The following CACNG2 variants were observed in gnomAD, a reference collection of about 807,000 sequenced individuals.
CACNG2 encodes calcium voltage-gated channel auxiliary subunit gamma 2.
A neutral mutation model predicts 25.9 loss-of-function variants in CACNG2; 3 were observed. That is an observed-to-expected ratio of 0.12 (90% CI 0.05 to 0.30). The LOEUF (loss-of-function observed/expected upper bound fraction) is 0.30. CACNG2 is among the 10% of genes least tolerant of loss of function. The pLI, the probability that CACNG2 is intolerant of heterozygous loss-of-function variation, is 1.00. For synonymous variants in CACNG2, 167 were observed against 173.3 expected, an observed-to-expected ratio of 0.96 and a Z score of 0.29; for missense variants, 341 against 432.5, an observed-to-expected ratio of 0.79 and a Z score of 1.88.
At chr22:36,598,444 C>A (rs1256701025) in intron 1 of CACNG2, among the ~76,000 whole-genome samples, 1 of 150,832 alleles carries the variant, frequency 6.6e-6, no homozygotes. Context: ...ATGGTGAAAC[C>A]CTGTCTCTAC....
intron 2 of CACNG2, among the ~76,000 whole-genome samples, chr22:36,583,266 C>G (rs930160458): frequency 6.6e-6 from 1 of 152,032 alleles, no homozygotes; most frequent in Non-Finnish European, 1.5e-5. Context: ...AATCCCGTCT[C>G]TACTAAAAAT....
intron 2 of CACNG2, among the ~76,000 whole-genome samples, chr22:36,578,966 A>G (rs190588885): frequency 1.9e-4 from 29 of 152,296 alleles, no homozygotes; most frequent in South Asian, 8.3e-4. Context: ...GACCGGCAAT[A>G]GAGTGGTCAC....
chr22:36,635,628 C>G (rs1010445108), intron 1 of CACNG2, among the ~76,000 whole-genome samples: 6 of 152,166 alleles, frequency 3.9e-5, no homozygotes, highest in African/African-American at 1.4e-4. Context: ...GTGACTCCCA[C>G]ATTTGTAACT....
chr22:36,646,982 C>T (rs1323633720), intron 1 of CACNG2, among the ~76,000 whole-genome samples: 1 of 152,088 alleles, frequency 6.6e-6, no homozygotes, highest in Non-Finnish European at 1.5e-5. Flanking sequence ...TCAAATCATA[C>T]AGTCACTGCC....
intron 1 of CACNG2, among the ~76,000 whole-genome samples, chr22:36,660,307 G>T (rs979160648): frequency 1.4e-4 from 21 of 152,250 alleles, no homozygotes; most frequent in African/African-American, 5.1e-4. Context: ...CTTGCCGGGG[G>T]GCAGTTGCTG....
chr22:36,608,321 A>G (rs1325108037), intron 1 of CACNG2, among the ~76,000 whole-genome samples: 1 of 152,178 alleles, frequency 6.6e-6, no homozygotes, highest in Non-Finnish European at 1.5e-5. Context: ...AAGATCACTC[A>G]GCTGGCAATT....
At chr22:36,668,053 G>T in intron 1 of CACNG2, among the ~76,000 whole-genome samples, 1 of 152,210 alleles carries the variant, frequency 6.6e-6, no homozygotes, top group Non-Finnish European at 1.5e-5. Context: ...CTCTGAGGCA[G>T]GTGATACTAT....
chr22:36,590,526 G>A (rs1304518254), intron 1 of CACNG2, among the ~76,000 whole-genome samples: 4 of 151,956 alleles, frequency 2.6e-5, no homozygotes, highest in Admixed American at 6.6e-5. Flanking sequence ...CCATCAGGGC[G>A]TCCTGTCTGT....
At chr22:36,624,087 AGG>A (rs1936147811) in intron 1 of CACNG2, among the ~76,000 whole-genome samples, 1 of 152,140 alleles carries the variant, frequency 6.6e-6, no homozygotes, top group Non-Finnish European at 1.5e-5. Context: ...ATCCCAAGAG[AGG>A]GGACCTTGTT....
chr22:36,606,682 G>A lies in CACNG2; in HGVS notation c.212-19134C>T, dbSNP rs1935837936. ...GTGTTTGAGAGAAGAGCAAGTGAGG[G>A]CCAACCAGAGAGAGGACAGGATGCT... On this transcript the variant is annotated intron_variant, in intron 1 of 3. Coordinates refer to ENST00000300105, the MANE Select transcript of CACNG2 (RefSeq NM_006078.5). The surrounding 1 kb of genome is among the most constrained non-coding windows in gnomAD (Gnocchi z 5.7). Among the ~76,000 whole-genome samples, 5 of 152,224 alleles carry A rather than the reference G, an allele frequency of 3.3e-5. No homozygotes were observed. The South Asian group carries it at 8.3e-4, about 25-fold the overall frequency.
At position 36,655,713 on chromosome 22, in the gene CACNG2, CTCTT is replaced by C. The variant is rs138341176; in HGVS notation, c.211+46649_211+46652del. 2.3e-3 allele frequency among the ~76,000 whole-genome samples: 311 copies of C among 133,226 alleles called. 1 individual carries two copies. The highest frequency in any genetic ancestry group is 0.011 in the African/African-American group (268 of 24,726). The allele number at this position is 133,226 out of a possible 152,430, so 87.4% of individuals were successfully genotyped here. ...TTCCTTCCTTTCTTTCTTTCTCTTT[CTCTT>C]TCTTTCTTTTCTTTCTTTCTCTTCC... On this transcript the variant is annotated intron_variant, in intron 1 of 3. Coordinates refer to ENST00000300105, the MANE Select transcript of CACNG2 (RefSeq NM_006078.5).
At chr22:36,677,913 T>A (rs1277194577) in intron 1 of CACNG2, among the ~76,000 whole-genome samples, 2 of 152,252 alleles carry the variant, frequency 1.3e-5, no homozygotes, top group Non-Finnish European at 2.9e-5. Flanking sequence ...TTTTTAAGTA[T>A]AATTTTGAGT....
At position 36,627,734 on chromosome 22, in the gene CACNG2, C is replaced by T. The variant is rs367656397; in HGVS notation, c.212-40186G>A. 4.3e-4 allele frequency among the ~76,000 whole-genome samples: 66 copies of T among 151,960 alleles called. 1 individual carries two copies. The highest frequency in any genetic ancestry group is 1.0e-3 in the South Asian group (5 of 4,810). On this transcript the variant is annotated intron_variant, in intron 1 of 3. Coordinates refer to ENST00000300105, the MANE Select transcript of CACNG2 (RefSeq NM_006078.5). ...AACTCCTGGGCTTAAGCCATCCTCCCGCCTCAGCCTCCCAAGTAGCTGGGA... is the reference window on the plus strand; with the variant it reads ...AACTCCTGGGCTTAAGCCATCCTCCTGCCTCAGCCTCCCAAGTAGCTGGGA...
intron 1 of CACNG2, among the ~76,000 whole-genome samples, chr22:36,645,889 G>C (rs569051988): frequency 6.6e-6 from 1 of 152,146 alleles, no homozygotes; most frequent in Non-Finnish European, 1.5e-5. Context: ...AAAGTCAAAT[G>C]CATATTTTAA....
At chr22:36,687,055 C>T (rs914840089) in intron 1 of CACNG2, among the ~76,000 whole-genome samples, 2 of 152,174 alleles carry the variant, frequency 1.3e-5, no homozygotes, top group East Asian at 3.8e-4. Context: ...GTGACAGGTG[C>T]CCTTTGCCCT....
intron 2 of CACNG2, among the ~76,000 whole-genome samples, chr22:36,568,509 A>T (rs1301502309): frequency 6.6e-6 from 1 of 151,730 alleles, no homozygotes; most frequent in African/African-American, 2.4e-5. Context: ...GGTTCAAGCG[A>T]TTCTCCTGCC....
chr22:36,582,756 G>A (rs954618399), intron 2 of CACNG2, among the ~76,000 whole-genome samples: 15 of 150,900 alleles, frequency 9.9e-5, no homozygotes, highest in East Asian at 2.0e-4. Flanking sequence ...CCCATCCCCC[G>A]TCCCTGCTTG....
chr22:36,691,861 C>T lies in CACNG2; in HGVS notation c.211+10505G>A, dbSNP rs145848696. 7.2e-4 allele frequency among the ~76,000 whole-genome samples: 110 copies of T among 152,222 alleles called. 1 individual carries two copies. Among genetic ancestry groups the T allele is most frequent in the African/African-American group, 2.6e-3 (106 of 41,528 alleles). ...TATTAGTATTGAAGTGATGGCAGAA[C>T]CGTTGTTTTTCAGGATTACCTACTC... is the stretch of plus-strand genomic sequence containing the variant. On this transcript the variant is annotated intron_variant, in intron 1 of 3. Coordinates refer to ENST00000300105, the MANE Select transcript of CACNG2 (RefSeq NM_006078.5).
At chr22:36,667,739 C>T (rs1843034083) in intron 1 of CACNG2, among the ~76,000 whole-genome samples, 1 of 152,130 alleles carries the variant, frequency 6.6e-6, no homozygotes, top group Non-Finnish European at 1.5e-5. Context: ...AACAGAGAGG[C>T]ATAAAGCAAG....
Sources: gnomAD v4.1 joint callset for allele counts (sites outside exome capture counted in the v4.1 genomes callset) on GRCh38, gnomAD v4.1.1 for gene constraint, Gnocchi (gnomAD v3.1) non-coding constraint, MANE v1.5 for transcripts, NCBI Gene and HGNC (gene_info 2026-07-23, HGNC 2026-07-21) for gene names.